The following NSUN2 variants were observed in gnomAD, a reference collection of about 807,000 sequenced individuals.
NSUN2 encodes the protein NOP2/Sun RNA methyltransferase 2, also known as RNA cytosine C(5)-methyltransferase NSUN2.
Under a neutral mutation model 92.7 loss-of-function variants are expected in NSUN2, and 63 were observed. The ratio of observed to expected loss-of-function variants is 0.68; its 90% CI spans 0.56 to 0.84. NSUN2 has a LOEUF of 0.84. Among genes scored for constraint, NSUN2 ranks in the 40% least tolerant of loss-of-function variants. The probability of loss-of-function intolerance (pLI) is 0.00; values close to 1 mark genes in which losing one functional copy is unlikely to be tolerated. For synonymous variants in NSUN2, 356 were observed against 348.3 expected, an observed-to-expected ratio of 1.02 and a Z score of -0.25; for missense variants, 989 against 964.9, an observed-to-expected ratio of 1.02 and a Z score of -0.33.
Position 6,606,823 on chromosome 5 carries a change from A to G in NSUN2, c.1598T>C (p.Ile533Thr). Residue 533 changes from isoleucine (I) to threonine (T), a missense_variant, in exon 14 of 19, where the codon ATT becomes ACT. Physicochemically the swap from Ile to Thr is moderately conservative, Grantham distance 89. Around this residue, in one of 3 missense-constraint regions of NSUN2, gnomAD observed 626 missense variants for 602.3 expected, o/e 1.04. Transcript: ENST00000264670. ...ATTAAAAAGGCTGAATCCTTACTCA[A>G]TAGGTGGAAATAATGGGTCATCTTC... is the stretch of plus-strand genomic sequence containing the variant. ...IPEDDPLFPP[I>T]EKFYALDPSF... The G allele has an allele frequency of 3.3e-6, 5 of 1,531,876 alleles. No individual in the cohort carries two copies. Among genetic ancestry groups the G allele is most frequent in the Non-Finnish European group, 9.0e-7 (1 of 1,107,032 alleles). The allele number at this position is 1,531,876 out of a possible 1,614,324, so 94.9% of individuals were successfully genotyped here.
intron 2 of NSUN2, 92 bp downstream of exon 2, chr5:6,632,507 G>C: frequency 7.0e-7 from 1 of 1,429,858 alleles, no homozygotes; most frequent in South Asian, 1.3e-5. Context: ...ACGGTTCTCT[G>C]GCACTGTAAC....
chr5:6,630,462 T>A (rs1222502461), intron 3 of NSUN2, among the ~76,000 whole-genome samples: 1 of 152,164 alleles, frequency 6.6e-6, no homozygotes, highest in African/African-American at 2.4e-5. Context: ...TGTGCCACCA[T>A]GCCTGTCTAA....
At position 6,632,612 on chromosome 5, in the gene NSUN2, T is replaced by TA; in HGVS notation, c.240dup (p.Thr81TyrfsTer20). On this transcript the variant is annotated frameshift_variant, in exon 2 of 19. Coordinates refer to ENST00000264670, the MANE Select transcript of NSUN2 (RefSeq NM_017755.6). LOFTEE classifies it high-confidence loss of function. ...CTGCCTCCCTACCTTTTGTAACCAG[T>TA]AATTCTTAAAGTGGCCGGGAGCGGC... 1 of 1,614,038 alleles carries TA rather than the reference T, an allele frequency of 6.2e-7. No individual in the cohort carries two copies. The highest frequency in any genetic ancestry group is 1.1e-5 in the South Asian group (1 of 91,076).
chr5:6,628,148 G>A (rs943503030), intron 3 of NSUN2, among the ~76,000 whole-genome samples: 2 of 152,156 alleles, frequency 1.3e-5, no homozygotes, highest in African/African-American at 4.8e-5. Flanking sequence ...AGGAGTTCAA[G>A]ACTAGCCTGT....
At chr5:6,616,269 T>A (rs1361093537) in intron 9 of NSUN2, among the ~76,000 whole-genome samples, 1 of 152,156 alleles carries the variant, frequency 6.6e-6, no homozygotes, top group Non-Finnish European at 1.5e-5. Context: ...CATCAACAGA[T>A]GGATGGGTAA....
intron 5 of NSUN2, among the ~76,000 whole-genome samples, chr5:6,622,752 CAGG>C (rs942206229): frequency 2.7e-5 from 4 of 150,520 alleles, no homozygotes; most frequent in South Asian, 2.1e-4. Flanking sequence ...GAGACTGAGG[CAGG>C]AGAATTGCCT....
At chr5:6,602,024 G>A (rs559355946) in intron 18 of NSUN2, among the ~76,000 whole-genome samples, 7 of 151,886 alleles carry the variant, frequency 4.6e-5, no homozygotes, top group East Asian at 3.9e-4. Context: ...CGTGGGGACC[G>A]TGAGTGCAAG....
chr5:6,607,496 A>G, intron 12 of NSUN2, 112 bp from the exon 13 acceptor site: 1 of 908,828 alleles, frequency 1.1e-6, no homozygotes, highest in Non-Finnish European at 1.7e-6. Flanking sequence ...TTTCTACAGC[A>G]TTATATGTAG....
Position 6,599,851 on chromosome 5 carries a change from G to T in NSUN2, c.*75C>A. ...ACAGGCCACAGGCTGCTCTGGATTTGGTTTCAGACACCAGTGACCAGAAGA... is the reference window on the plus strand; with the variant it reads ...ACAGGCCACAGGCTGCTCTGGATTTTGTTTCAGACACCAGTGACCAGAAGA... On this transcript the variant is annotated 3_prime_UTR_variant, in exon 19 of 19. Transcript: ENST00000264670. The T allele has an allele frequency of 1.5e-6, 2 of 1,314,360 alleles. No individual in the cohort carries two copies. Among genetic ancestry groups the T allele is most frequent in the South Asian group, 1.3e-5 (1 of 77,546 alleles). The allele number at this position is 1,314,360 out of a possible 1,614,324, so 81.4% of individuals were successfully genotyped here.
At chr5:6,609,081 G>A (rs943813268) in intron 12 of NSUN2, among the ~76,000 whole-genome samples, 8 of 152,146 alleles carry the variant, frequency 5.3e-5, no homozygotes, top group African/African-American at 1.7e-4. Flanking sequence ...AGCTCTTTGC[G>A]GAACTGTTTC....
intron 14 of NSUN2, among the ~76,000 whole-genome samples, chr5:6,606,345 G>C (rs1039455240): frequency 6.6e-6 from 1 of 152,078 alleles, no homozygotes; most frequent in Non-Finnish European, 1.5e-5. Context: ...GTGCAGCGGC[G>C]CGATCTCGGC....
At chr5:6,611,448 T>TAAAAAAAAAAAAAAAAAAAAAAAAAAA (rs760872450) in intron 10 of NSUN2, among the ~76,000 whole-genome samples, 3 of 86,070 alleles carry the variant, frequency 3.5e-5, no homozygotes, top group Admixed American at 2.8e-4. Flanking sequence ...CGGCCCAATT[T>TAAAAAAAAAAAAAAAAAAAAAAAAAAA]AAAAAAAAAA....
intron 3 of NSUN2, among the ~76,000 whole-genome samples, chr5:6,626,793 C>T (rs1737674870): frequency 6.6e-6 from 1 of 152,210 alleles, no homozygotes; most frequent in South Asian, 2.1e-4. Flanking sequence ...AGTGTAGTTT[C>T]AGCAATTCTC....
At position 6,605,263 on chromosome 5, in the gene NSUN2, C is replaced by A. The variant is rs769957675; in HGVS notation, c.1737+10G>T. ...CATCACACAGCACTCAGCGTCTGTG[C>A]GGCTGGCACCTTCATCTTCTCACTG... On this transcript the variant is annotated intron_variant, in intron 15 of 18. Coordinates refer to ENST00000264670, the MANE Select transcript of NSUN2 (RefSeq NM_017755.6). 1 of 1,613,560 alleles carries A rather than the reference C, an allele frequency of 6.2e-7. No homozygotes were observed. Among genetic ancestry groups the A allele is most frequent in the Non-Finnish European group, 8.5e-7 (1 of 1,179,756 alleles).
intron 8 of NSUN2, 79 bp downstream of exon 8, chr5:6,617,871 C>T (rs1737274541): frequency 1.1e-5 from 12 of 1,069,192 alleles, no homozygotes; most frequent in Non-Finnish European, 1.7e-5. Context: ...AATTAAAGAT[C>T]GGATGCTCAC....
rs1265932725 is a variant in NSUN2, at chr5:6,620,240, T to C, written c.681A>G (p.Gln227=). Residue 227 remains glutamine (Q), a synonymous_variant, in exon 7 of 19, where the codon CAA becomes CAG. Coordinates refer to ENST00000264670, the MANE Select transcript of NSUN2 (RefSeq NM_017755.6). ...TGCAGGGGCTGCTCAGCCTCTTGGC[T>C]TGATGGACGAGCAGGTAGCAGCGCT... ...DNKRCYLLVH[Q]AKRLSSPCIM... 6 of 1,611,550 alleles carry C rather than the reference T, an allele frequency of 3.7e-6. No homozygotes were observed. Among genetic ancestry groups the C allele is most frequent in the African/African-American group, 1.3e-5 (1 of 74,792 alleles).
Position 6,620,278 on chromosome 5 carries a change from C to T in NSUN2, c.643G>A (p.Asp215Asn). 6.3e-7 allele frequency: 1 copy of T among 1,594,362 alleles called. No homozygotes were observed. The highest frequency in any genetic ancestry group is 8.5e-7 in the Non-Finnish European group (1 of 1,171,602). ...PFPEGFVIAN[D>N]VDNKRCYLLV... ...AGGTAGCAGCGCTTGTTGTCCACAT[C>T]ATTCGCAATAACAAATCCCTCTGAA... is the stretch of plus-strand genomic sequence containing the variant. The change falls in exon 7 of 19, where the codon GAT becomes AAT. Residue 215 changes from aspartate to asparagine, a missense_variant. By Grantham distance (23) the Asp-to-Asn change is conservative. This residue lies in a region of NSUN2 where 356 missense variants were observed against 338.6 expected (regional missense o/e 1.05). Transcript: ENST00000264670.
chr5:6,631,314 T>C (rs1302471849), intron 3 of NSUN2, among the ~76,000 whole-genome samples: 1 of 152,114 alleles, frequency 6.6e-6, no homozygotes, highest in Non-Finnish European at 1.5e-5. Context: ...CCATGAGGAA[T>C]AGGTAACCCA....
rs181593902 is a variant in NSUN2, at chr5:6,599,672, A to G, written c.*254T>C. 8 of 458,516 alleles carry G rather than the reference A, an allele frequency of 1.7e-5. No individual in the cohort carries two copies. In the Admixed American group the frequency reaches 3.1e-4, roughly 17 times the overall value. The allele number at this position is 458,516 out of a possible 1,614,324, so 28.4% of individuals were successfully genotyped here. On this transcript the variant is annotated 3_prime_UTR_variant, in exon 19 of 19. Coordinates refer to ENST00000264670, the MANE Select transcript of NSUN2 (RefSeq NM_017755.6). Reference sequence around the variant, plus strand: ...AAAGTCTATTCCCAGCAAAAGAAACACTAGACCCAGCTTGGCCAAAGAAAC... The same window carrying G: ...AAAGTCTATTCCCAGCAAAAGAAACGCTAGACCCAGCTTGGCCAAAGAAAC...
Sources: allele counts gnomAD v4.1 joint callset (sites outside exome capture counted in the v4.1 genomes callset), GRCh38; gene constraint gnomAD v4.1.1; regional missense constraint gnomAD v4.1.1; transcripts MANE v1.5; gene names NCBI Gene and HGNC (gene_info 2026-07-23, HGNC 2026-07-21).